PLPPR5: variants seen among roughly 807,000 people sequenced by gnomAD.
PLPPR5 encodes the protein phospholipid phosphatase related 5, also known as phospholipid phosphatase-related protein type 5.
A neutral mutation model predicts 33.9 loss-of-function variants in PLPPR5; 16 were observed. The ratio of observed to expected loss-of-function variants is 0.47; its 90% CI spans 0.32 to 0.72. PLPPR5 has a LOEUF of 0.72. Among genes scored for constraint, PLPPR5 ranks in the 30% least tolerant of loss-of-function variants. The pLI, the probability that PLPPR5 is intolerant of heterozygous loss-of-function variation, is 0.03. For synonymous variants in PLPPR5, 163 were observed against 150.3 expected (o/e 1.08, Z -0.62); for missense variants, 301 against 406.7 (o/e 0.74, Z 2.23).
intron 3 of PLPPR5, among the ~76,000 whole-genome samples, chr1:98,929,378 G>GTTT (rs1261540073): frequency 1.3e-5 from 2 of 152,238 alleles, no homozygotes; most frequent in Non-Finnish European, 2.9e-5. Context: ...TATGGGCATG[G>GTTT]GGATAAAGCT....
At position 98,986,646 on chromosome 1, in the gene PLPPR5, CTG is replaced by C. The variant is rs1652274565; in HGVS notation, c.237+17787_237+17788del. Among the ~76,000 whole-genome samples the C allele has an allele frequency of 2.6e-5, 4 of 151,830 alleles. 1 individual carries two copies. The South Asian group carries it at 8.3e-4, about 32-fold the overall frequency. ...GCCAAAAACTGAATGGATAAGAAAA[CTG>C]TAGAATATTTGTGGAAGACGAATCT... is the stretch of plus-strand genomic sequence containing the variant. On this transcript the variant is annotated intron_variant, in intron 1 of 5. Coordinates refer to ENST00000263177, the MANE Select transcript of PLPPR5 (RefSeq NM_001037317.2).
chr1:98,919,533 G>A (rs187539433), intron 4 of PLPPR5, among the ~76,000 whole-genome samples: 1 of 152,300 alleles, frequency 6.6e-6, no homozygotes, highest in East Asian at 1.9e-4. Flanking sequence ...TTTCCCAAAT[G>A]AGAAAACTGG....
intron 1 of PLPPR5, among the ~76,000 whole-genome samples, chr1:99,001,412 G>A (rs1652836061): frequency 6.6e-6 from 1 of 151,768 alleles, no homozygotes; most frequent in Middle Eastern, 3.2e-3. Context: ...TCAGATTACA[G>A]GCGTGAGTCA....
chr1:98,913,914 A>G (rs1649246769), intron 5 of PLPPR5, among the ~76,000 whole-genome samples: 1 of 152,188 alleles, frequency 6.6e-6, no homozygotes, highest in Admixed American at 6.5e-5. Flanking sequence ...GCCATGCCTA[A>G]TGAGGCCTTG....
intron 3 of PLPPR5, among the ~76,000 whole-genome samples, chr1:98,941,181 A>G (rs1650354043): frequency 6.6e-6 from 1 of 151,940 alleles, no homozygotes; most frequent in South Asian, 2.1e-4. Context: ...AATTGCTGGT[A>G]ACAGTTTTCT....
At chr1:98,897,948 A>C (rs1213433621) in intron 5 of PLPPR5, among the ~76,000 whole-genome samples, 2 of 152,178 alleles carry the variant, frequency 1.3e-5, no homozygotes, top group Non-Finnish European at 2.9e-5. Flanking sequence ...ACAGCTAAAA[A>C]GGAAAGTTAA....
chr1:98,909,401 AATT>A (rs1221846282), intron 5 of PLPPR5, among the ~76,000 whole-genome samples: 1 of 151,572 alleles, frequency 6.6e-6, no homozygotes, highest in East Asian at 1.9e-4. Flanking sequence ...TATTTCGCAT[AATT>A]GATTTTATTA....
intron 1 of PLPPR5, among the ~76,000 whole-genome samples, chr1:99,003,588 TTAA>T (rs1179747902): frequency 6.6e-6 from 1 of 152,112 alleles, no homozygotes; most frequent in Non-Finnish European, 1.5e-5. Flanking sequence ...TATAATAAAA[TTAA>T]TATTATTATG....
At chr1:98,980,297 T>G (rs1161422329) in intron 1 of PLPPR5, among the ~76,000 whole-genome samples, 2 of 152,062 alleles carry the variant, frequency 1.3e-5, no homozygotes, top group Non-Finnish European at 2.9e-5. Context: ...TTTGCAAACT[T>G]TTATGTGTTT....
At chr1:98,982,128 G>A (rs1652081749) in intron 1 of PLPPR5, among the ~76,000 whole-genome samples, 1 of 152,158 alleles carries the variant, frequency 6.6e-6, no homozygotes, top group Non-Finnish European at 1.5e-5. Flanking sequence ...ATAAAATCAT[G>A]ACTCATCTCA....
intron 4 of PLPPR5, among the ~76,000 whole-genome samples, chr1:98,921,501 C>T (rs1443679401): frequency 2.0e-5 from 3 of 151,944 alleles, no homozygotes; most frequent in Admixed American, 2.0e-4. Context: ...TCCTGAAACT[C>T]GCCTATAACA....
At chr1:98,991,511 A>T (rs1652450365) in intron 1 of PLPPR5, among the ~76,000 whole-genome samples, 1 of 152,178 alleles carries the variant, frequency 6.6e-6, no homozygotes, top group South Asian at 2.1e-4. Flanking sequence ...AACATAAGAC[A>T]TCTTGTGTAC....
intron 5 of PLPPR5, among the ~76,000 whole-genome samples, chr1:98,899,879 A>C (rs1648627462): frequency 1.3e-5 from 2 of 152,130 alleles, no homozygotes; most frequent in Admixed American, 6.6e-5. Context: ...ATGAAATTTC[A>C]TGGAAGTCTA....
chr1:98,959,324 G>A (rs1383311726), intron 1 of PLPPR5, among the ~76,000 whole-genome samples: 4 of 152,168 alleles, frequency 2.6e-5, no homozygotes, highest in Non-Finnish European at 5.9e-5. Flanking sequence ...CTGCATCTCA[G>A]CACATTTCAC....
At chr1:98,974,220 G>A (rs774604145) in intron 1 of PLPPR5, among the ~76,000 whole-genome samples, 48 of 152,018 alleles carry the variant, frequency 3.2e-4, no homozygotes, top group South Asian at 6.2e-4. Context: ...AAAACCAGAG[G>A]GGACAGACTT....
intron 1 of PLPPR5, among the ~76,000 whole-genome samples, chr1:98,975,956 A>G (rs999263944): frequency 1.3e-5 from 2 of 151,892 alleles, no homozygotes; most frequent in Non-Finnish European, 2.9e-5. Flanking sequence ...TGTAATATAT[A>G]TATACTAAGA....
At chr1:98,947,538 C>A (rs1266711892) in intron 3 of PLPPR5, among the ~76,000 whole-genome samples, 2 of 152,048 alleles carry the variant, frequency 1.3e-5, no homozygotes, top group African/African-American at 4.8e-5. Flanking sequence ...TGATTATGAG[C>A]AATTATTTAA....
Position 98,921,936 on chromosome 1 carries a change from A to G in PLPPR5, c.744T>C (p.His248=), listed in dbSNP as rs759650603. The G allele has an allele frequency of 3.7e-6, 6 of 1,613,912 alleles. No homozygotes were observed. The highest frequency in any genetic ancestry group is 1.1e-5 in the South Asian group (1 of 91,082). Residue 248 remains histidine, a synonymous_variant, in exon 4 of 6, where the codon CAT becomes CAC. Transcript: ENST00000263177. Reference sequence around the variant, plus strand: ...GAAAGCCTGCTATAACATCTGACCAATGATTTCGATATTCTGCTACTCTGT... The same window carrying G: ...GAAAGCCTGCTATAACATCTGACCAGTGATTTCGATATTCTGCTACTCTGT... ...GLNRVAEYRN[H]WSDVIAGFLV...
intron 1 of PLPPR5, among the ~76,000 whole-genome samples, chr1:98,964,400 G>T (rs1651359792): frequency 6.6e-6 from 1 of 152,224 alleles, no homozygotes; most frequent in South Asian, 2.1e-4. Flanking sequence ...CAGTGGGAAG[G>T]ATCAACGGGC....
Sources: gnomAD v4.1 joint callset for allele counts (sites outside exome capture counted in the v4.1 genomes callset) on GRCh38, gnomAD v4.1.1 for gene constraint, MANE v1.5 for transcripts, NCBI Gene and HGNC (gene_info 2026-07-23, HGNC 2026-07-21) for gene names.